The following NKAIN2 variants were observed in gnomAD, a reference collection of about 807,000 sequenced individuals.
NKAIN2 encodes the protein sodium/potassium-transporting ATPase subunit beta-1-interacting protein 2.
Under a neutral mutation model 32.6 loss-of-function variants are expected in NKAIN2, and 14 were observed. That is an observed-to-expected ratio of 0.43 (90% CI 0.28 to 0.67). The LOEUF (loss-of-function observed/expected upper bound fraction) is 0.67. Ranked by LOEUF, NKAIN2 falls within the 30% of genes least tolerant of loss-of-function variation. The pLI is 0.17. For missense variants in NKAIN2, 198 were observed against 258.3 expected (o/e 0.77, Z 1.60); for synonymous variants, 80 against 87.2 (o/e 0.92, Z 0.46).
chr6:124,671,511 T>C (rs570182301), intron 4 of NKAIN2, among the ~76,000 whole-genome samples: 1 of 152,240 alleles, frequency 6.6e-6, no homozygotes, highest in Non-Finnish European at 1.5e-5. Context: ...TTCTCATCTA[T>C]AGCTTTCCTC....
chr6:124,642,507 T>G (rs185974537), intron 3 of NKAIN2, among the ~76,000 whole-genome samples: 2 of 152,318 alleles, frequency 1.3e-5, no homozygotes, highest in African/African-American at 4.8e-5. Flanking sequence ...AGTGTCCACA[T>G]GTAGATATTG....
At chr6:124,683,429 A>G (rs925779810) in intron 4 of NKAIN2, among the ~76,000 whole-genome samples, 3 of 152,158 alleles carry the variant, frequency 2.0e-5, no homozygotes, top group Non-Finnish European at 2.9e-5. Context: ...TGCTGCCCAC[A>G]TGTCAAAATC....
intron 1 of NKAIN2, among the ~76,000 whole-genome samples, chr6:124,117,380 G>A (rs577158786): frequency 6.6e-6 from 1 of 152,246 alleles, no homozygotes; most frequent in East Asian, 1.9e-4. Context: ...CAGGAAGAAC[G>A]CAGCAAGGCA....
rs796318178 is a variant in NKAIN2 at position 123,851,735 on chromosome 6, T to C, written c.54+47481T>C. On this transcript the variant is annotated intron_variant, in intron 1 of 6. Coordinates refer to ENST00000368417, the MANE Select transcript of NKAIN2 (RefSeq NM_001040214.3). The stretch of plus-strand genomic sequence containing the variant: ...TTAAAAAAATATACTTGTTGGCCAT[T>C]TGTACGTCATCTTTTGCGAAATGTC... Among the ~76,000 whole-genome samples, 20 of 152,306 alleles carry C rather than the reference T, an allele frequency of 1.3e-4. 1 individual carries two copies. The highest frequency in any genetic ancestry group is 4.6e-4 in the African/African-American group (19 of 41,564).
At chr6:124,374,631 T>A (rs991501423) in intron 3 of NKAIN2, among the ~76,000 whole-genome samples, 1 of 152,138 alleles carries the variant, frequency 6.6e-6, no homozygotes, top group African/African-American at 2.4e-5. Flanking sequence ...AAAGTTATAA[T>A]TTTTCTTTGT....
intron 1 of NKAIN2, among the ~76,000 whole-genome samples, chr6:124,141,813 A>G (rs1314780916): frequency 3.3e-5 from 5 of 152,104 alleles, no homozygotes; most frequent in African/African-American, 1.2e-4. Flanking sequence ...CAGGTTCACA[A>G]TTACCATGTC....
At chr6:124,551,639 T>G (rs1269377080) in intron 3 of NKAIN2, among the ~76,000 whole-genome samples, 1 of 152,218 alleles carries the variant, frequency 6.6e-6, no homozygotes, top group Non-Finnish European at 1.5e-5. Context: ...GGGGTCAAAG[T>G]GAGCTTCCAC....
intron 1 of NKAIN2, among the ~76,000 whole-genome samples, chr6:124,229,533 T>TAGATAGATAGATAGACAGACAGAC (rs1298590453): frequency 8.1e-4 from 121 of 149,160 alleles, no homozygotes; most frequent in African/African-American, 3.0e-3. Flanking sequence ...GATAGATAGA[T>TAGATAGATAGATAGACAGACAGAC]AGACAGACAG....
intron 4 of NKAIN2, among the ~76,000 whole-genome samples, chr6:124,718,792 C>T (rs1396021138): frequency 1.3e-5 from 2 of 149,954 alleles, no homozygotes; most frequent in Non-Finnish European, 3.0e-5. Context: ...ACTAAAAAAT[C>T]TTCCGAATCT....
At position 124,344,834 on chromosome 6, in the gene NKAIN2, T is replaced by A. The variant is rs560053825; in HGVS notation, c.193-10433T>A. ...CTGAATACCCTTTATTTCCTTCTAC[T>A]GCCTGATTGCCCTGGCCAGAACTTC... On this transcript the variant is annotated intron_variant, in intron 2 of 6. Transcript: ENST00000368417. Among the ~76,000 whole-genome samples, 13 of 152,292 alleles carry A rather than the reference T, an allele frequency of 8.5e-5. No individual in the cohort carries two copies. In the South Asian group the frequency reaches 1.9e-3, roughly 22 times the overall value.
intron 1 of NKAIN2, among the ~76,000 whole-genome samples, chr6:123,861,058 G>A (rs1371486205): frequency 6.6e-6 from 1 of 152,112 alleles, no homozygotes; most frequent in Non-Finnish European, 1.5e-5. Context: ...CACATCGATG[G>A]GCTCCCAAAT....
intron 1 of NKAIN2, among the ~76,000 whole-genome samples, chr6:123,906,555 G>C (rs555834128): frequency 6.6e-6 from 1 of 152,022 alleles, no homozygotes; most frequent in Non-Finnish European, 1.5e-5. Context: ...AGCCTCCCAA[G>C]GTGCTGGGAT....
intron 4 of NKAIN2, among the ~76,000 whole-genome samples, chr6:124,686,145 T>C (rs1773866525): frequency 6.9e-6 from 1 of 144,814 alleles, no homozygotes; most frequent in Non-Finnish European, 1.5e-5. Context: ...CTGTAGTTCA[T>C]GGTCTTGTGG....
intron 1 of NKAIN2, among the ~76,000 whole-genome samples, chr6:124,269,797 C>T (rs938192448): frequency 2.6e-5 from 4 of 151,970 alleles, no homozygotes; most frequent in Non-Finnish European, 5.9e-5. Context: ...ATACTGACTC[C>T]CACAGAGACT....
intron 1 of NKAIN2, among the ~76,000 whole-genome samples, chr6:124,106,431 G>T (rs148283857): frequency 1.4e-3 from 213 of 152,224 alleles, no homozygotes; most frequent in African/African-American, 4.9e-3. Flanking sequence ...TAAGATAGAG[G>T]TTTGTATCTA....
At chr6:124,553,654 C>G (rs1780372840) in intron 3 of NKAIN2, among the ~76,000 whole-genome samples, 1 of 152,140 alleles carries the variant, frequency 6.6e-6, no homozygotes, top group African/African-American at 2.4e-5. Flanking sequence ...TTCACAGAAA[C>G]CCGAGGAAGT....
intron 4 of NKAIN2, among the ~76,000 whole-genome samples, chr6:124,669,467 G>A (rs931317582): frequency 4.7e-4 from 72 of 152,060 alleles, no homozygotes; most frequent in African/African-American, 1.7e-3. Flanking sequence ...AAAGAGAATG[G>A]CCAGGGAAGG....
chr6:124,547,769 G>A (rs755968956), intron 3 of NKAIN2, among the ~76,000 whole-genome samples: 7 of 152,146 alleles, frequency 4.6e-5, no homozygotes, highest in Non-Finnish European at 8.8e-5. Context: ...ATTAATTTCA[G>A]ATAGTAGGAG....
At chr6:124,140,994 CAGAGAAT>C (rs1337401016) in intron 1 of NKAIN2, among the ~76,000 whole-genome samples, 1 of 152,110 alleles carries the variant, frequency 6.6e-6, no homozygotes, top group Non-Finnish European at 1.5e-5. Context: ...TAGAATCTTA[CAGAGAAT>C]AATACTTCTC....
Sources: gnomAD v4.1 joint callset for allele counts (sites outside exome capture counted in the v4.1 genomes callset) on GRCh38, gnomAD v4.1.1 for gene constraint, MANE v1.5 for transcripts, NCBI Gene and HGNC (gene_info 2026-07-23, HGNC 2026-07-21) for gene names.